Variants in SLC29A3 observed in about 807,000 individuals in gnomAD.
The protein encoded by SLC29A3 is equilibrative nucleoside transporter 3.
Under a neutral mutation model 25.4 loss-of-function variants are expected in SLC29A3, and 18 were observed. The ratio of observed to expected loss-of-function variants is 0.71; its 90% CI spans 0.49 to 1.05. The LOEUF is 1.05. Among genes scored for constraint, SLC29A3 ranks in the 50% least tolerant of loss-of-function variants. The probability of loss-of-function intolerance (pLI) is 0.00; values close to 1 mark genes in which losing one functional copy is unlikely to be tolerated. For missense variants in SLC29A3, 586 were observed against 609.0 expected, an observed-to-expected ratio of 0.96 and a Z score of 0.40; for synonymous variants, 258 against 267.1, an observed-to-expected ratio of 0.97 and a Z score of 0.33.
At chr10:71,370,888 A>G (rs1043056661) in intron 3 of SLC29A3, among the ~76,000 whole-genome samples, 77 of 152,152 alleles carry the variant, frequency 5.1e-4, no homozygotes, top group Admixed American at 1.3e-4. Context: ...TGGGATAGCC[A>G]TCACCTTAAA....
intron 2 of SLC29A3, among the ~76,000 whole-genome samples, chr10:71,337,942 G>A (rs1319285066): frequency 1.3e-5 from 2 of 152,174 alleles, no homozygotes; most frequent in African/African-American, 2.4e-5. Context: ...CCTGGTGTTC[G>A]CAAACTGGGT....
chr10:71,348,489 C>G (rs1012416049), intron 3 of SLC29A3, among the ~76,000 whole-genome samples: 1 of 152,168 alleles, frequency 6.6e-6, no homozygotes, highest in African/African-American at 2.4e-5. Context: ...GGGCTCCGGT[C>G]TCCTGACTCA....
At chr10:71,320,188 T>G (rs961067829) in intron 1 of SLC29A3, among the ~76,000 whole-genome samples, 24 of 152,178 alleles carry the variant, frequency 1.6e-4, no homozygotes, top group African/African-American at 5.3e-4. Flanking sequence ...CCAGGTGTGG[T>G]CCTGAGTGAC....
chr10:71,339,635 C>T (rs1437747924), intron 2 of SLC29A3, among the ~76,000 whole-genome samples: 1 of 152,094 alleles, frequency 6.6e-6, no homozygotes, highest in African/African-American at 2.4e-5. Flanking sequence ...GCTGTTGGTG[C>T]TAAGGAAGCC....
intron 3 of SLC29A3, 86 bp from the exon 4 acceptor site, chr10:71,351,476 C>T (rs1160852401): frequency 8.2e-7 from 1 of 1,213,694 alleles, no homozygotes; most frequent in South Asian, 1.3e-5. Context: ...CTAAGCTCGC[C>T]TGCTTCCCTT....
rs41300554 is a variant in SLC29A3, at chr10:71,319,472, T to C, written c.1+162T>C. ...TCCCTTCCCCACCGTCCCTCCTCTC[T>C]CTCCTTGCTCTCTGCCACCCCTCTT... On this transcript the variant is annotated intron_variant, in intron 1 of 5. Transcript: ENST00000373189. 198,963 of 441,496 alleles carry C rather than the reference T, an allele frequency of 0.45. 46,260 individuals carry two copies. The highest frequency in any genetic ancestry group is 0.64 in the African/African-American group (31,096 of 48,212). The allele number at this position is 441,496 out of a possible 1,614,324, so 27.3% of individuals were successfully genotyped here.
At chr10:71,342,748 A>T (rs1324957451) in intron 2 of SLC29A3, among the ~76,000 whole-genome samples, 1 of 152,236 alleles carries the variant, frequency 6.6e-6, no homozygotes, top group African/African-American at 2.4e-5. Flanking sequence ...GCCCCCGACC[A>T]GTCCAGGCTC....
In SLC29A3 at chr10:71,328,154, C is replaced by T. The variant is rs140459207; in HGVS notation, c.300+5100C>T. Among the ~76,000 whole-genome samples the T allele has an allele frequency of 5.0e-3, 769 of 152,326 alleles. 5 individuals carry two copies. The highest frequency in any genetic ancestry group is 8.0e-3 in the Non-Finnish European group (546 of 68,020). On this transcript the variant is annotated intron_variant, in intron 2 of 5. Transcript: ENST00000373189. ...TCTCTGAGGGACTGCAGGATGCGGC[C>T]AGGTCATGAGTGGGACCTACAGCCC... is the stretch of plus-strand genomic sequence containing the variant.
At chr10:71,320,567 T>G (rs1483082246) in intron 1 of SLC29A3, among the ~76,000 whole-genome samples, 1 of 152,164 alleles carries the variant, frequency 6.6e-6, no homozygotes, top group Non-Finnish European at 1.5e-5. Flanking sequence ...AAAAGCGATT[T>G]TCCACACAGT....
chr10:71,375,711 T>A (rs1469114612), exon 4 of SLC29A3: 1 of 152,094 alleles, frequency 6.6e-6, no homozygotes, highest in Non-Finnish European at 1.5e-5. Flanking sequence ...AAATGGAGAA[T>A]CAGGCAGGAA....
chr10:71,323,033 C>A lies in SLC29A3; in HGVS notation c.279C>A (p.Asp93Glu). 1.2e-6 allele frequency: 2 copies of A among 1,613,542 alleles called. No homozygotes were observed. The highest frequency in any genetic ancestry group is 1.7e-6 in the Non-Finnish European group (2 of 1,180,038). The change falls in exon 2 of 6, where the codon GAC becomes GAA. Residue 93 changes from aspartate (D) to glutamate (E), a missense_variant. Coordinates refer to ENST00000373189, the MANE Select transcript of SLC29A3 (RefSeq NM_018344.6). ...RNSSSPATGEDPEGSDILNYF... is the reference protein window; with the variant it reads ...RNSSSPATGEEPEGSDILNYF... ...CCTCCAGCCCAGCCACCGGGGAGGACCCTGAGGGCTCAGACATCCTGGTAA... is the reference window on the plus strand; with the variant it reads ...CCTCCAGCCCAGCCACCGGGGAGGAACCTGAGGGCTCAGACATCCTGGTAA...
At chr10:71,337,966 G>A (rs1373313709) in intron 2 of SLC29A3, among the ~76,000 whole-genome samples, 1 of 152,226 alleles carries the variant, frequency 6.6e-6, no homozygotes, top group Non-Finnish European at 1.5e-5. Context: ...TGTAGCAAAT[G>A]GAAATGAGTT....
At chr10:71,343,021 C>T (rs1846453731) in intron 2 of SLC29A3, among the ~76,000 whole-genome samples, 1 of 152,162 alleles carries the variant, frequency 6.6e-6, no homozygotes. Flanking sequence ...ACTCTGTTGC[C>T]CAGGCTAAAG....
intron 3 of SLC29A3, among the ~76,000 whole-genome samples, chr10:71,370,022 T>A (rs1026097405): frequency 1.3e-5 from 2 of 152,158 alleles, no homozygotes; most frequent in African/African-American, 4.8e-5. Flanking sequence ...TTGTCCGGTG[T>A]GAGGGACAGG....
In SLC29A3 at chr10:71,322,737, G is replaced by T. The variant is rs778181327; in HGVS notation, c.2-19G>T. 1.2e-6 allele frequency: 2 copies of T among 1,613,858 alleles called. No homozygotes were observed. Among genetic ancestry groups the T allele is most frequent in the East Asian group, 2.2e-5 (1 of 44,878 alleles). Reference sequence around the variant, plus strand: ...TCTACTCACCTACCCTGTCTCTGTTGCCCTCCTTGCTCCAATAGTGGCCGT... The same window carrying T: ...TCTACTCACCTACCCTGTCTCTGTTTCCCTCCTTGCTCCAATAGTGGCCGT... On this transcript the variant is annotated intron_variant, in intron 1 of 5. Transcript: ENST00000373189.
intron 2 of SLC29A3, among the ~76,000 whole-genome samples, chr10:71,340,723 G>A (rs3781317): frequency 0.26 from 40,176 of 152,158 alleles, 5,972 homozygotes; most frequent in Non-Finnish European, 0.33. Flanking sequence ...AGTAAAATGG[G>A]AGAAGATAGC....
At chr10:71,322,695 G>C in intron 1 of SLC29A3, 61 bp from the exon 2 acceptor site, 1 of 1,599,254 alleles carries the variant, frequency 6.3e-7, no homozygotes, top group East Asian at 2.2e-5. Context: ...GTCCCCAGCT[G>C]TCCCCCAGCC....
intron 1 of SLC29A3, among the ~76,000 whole-genome samples, chr10:71,321,620 C>G (rs1206120316): frequency 6.6e-6 from 1 of 152,238 alleles, no homozygotes; most frequent in East Asian, 1.9e-4. Context: ...GACATTTGTT[C>G]AACAGCTGCT....
At position 71,322,942 on chromosome 10, in the gene SLC29A3, G is replaced by T. The variant is rs1334313761; in HGVS notation, c.188G>T (p.Gly63Val). ...ATCATCTTCTTCAGCCTGGGCATTG[G>T]CAGTCTACTGCCATGGAACTTCTTT... ...TYIIFFSLGI[G>V]SLLPWNFFIT... The change falls in exon 2 of 6, where the codon GGC becomes GTC. Residue 63 changes from glycine (G) to valine (V), a missense_variant. Physicochemically the swap from Gly to Val is moderately radical, Grantham distance 109. Transcript: ENST00000373189. 6.2e-7 allele frequency: 1 copy of T among 1,614,176 alleles called. No individual in the cohort carries two copies.
Sources: allele counts gnomAD v4.1 joint callset (sites outside exome capture counted in the v4.1 genomes callset), GRCh38; gene constraint gnomAD v4.1.1; transcripts MANE v1.5; gene names NCBI Gene and HGNC (gene_info 2026-07-23, HGNC 2026-07-21).